Variants in MACROD2 observed in about 807,000 individuals in gnomAD.
MACROD2 encodes the protein ADP-ribose glycohydrolase MACROD2.
MACROD2 carries 36 observed loss-of-function variants against 70.4 expected under a neutral mutation model. That is an observed-to-expected ratio of 0.51 (90% CI 0.39 to 0.68). The LOEUF (loss-of-function observed/expected upper bound fraction) is 0.68, where lower values mean the gene tolerates loss of function less well. Among genes scored for constraint, MACROD2 ranks in the 30% least tolerant of loss-of-function variants. The pLI is 0.00. For synonymous variants in MACROD2, 172 were observed against 178.8 expected (o/e 0.96, Z 0.30); for missense variants, 496 against 538.4 (o/e 0.92, Z 0.78).
chr20:15,219,750 TTA>T, intron 5 of MACROD2, among the ~76,000 whole-genome samples: 1 of 152,246 alleles, frequency 6.6e-6, no homozygotes, highest in South Asian at 2.1e-4. Context: ...GGTGGATTCA[TTA>T]TATCTAAATG....
At chr20:14,585,399 T>C (rs1981308641) in intron 4 of MACROD2, among the ~76,000 whole-genome samples, 1 of 152,132 alleles carries the variant, frequency 6.6e-6, no homozygotes. Flanking sequence ...TAGAATCATA[T>C]GTAAACTATG....
intron 8 of MACROD2, among the ~76,000 whole-genome samples, chr20:15,675,516 A>G (rs946161202): frequency 6.6e-6 from 1 of 151,960 alleles, no homozygotes; most frequent in South Asian, 2.1e-4. Context: ...CTTACGGTAA[A>G]TTTTTCCAAG....
chr20:15,920,816 A>C (rs1415371209), intron 10 of MACROD2, among the ~76,000 whole-genome samples: 1 of 152,216 alleles, frequency 6.6e-6, no homozygotes, highest in African/African-American at 2.4e-5. Context: ...AATATTCATT[A>C]TATCTGTATT....
intron 4 of MACROD2, among the ~76,000 whole-genome samples, chr20:14,594,535 A>G (rs1367912002): frequency 6.6e-6 from 1 of 152,124 alleles, no homozygotes; most frequent in African/African-American, 2.4e-5. Context: ...AATATAACAT[A>G]TTTTTTCATC....
chr20:15,920,879 G>A (rs1317174576), intron 10 of MACROD2, among the ~76,000 whole-genome samples: 1 of 152,126 alleles, frequency 6.6e-6, no homozygotes, highest in African/African-American at 2.4e-5. Flanking sequence ...TGCAGTAGAG[G>A]TCGACACCAT....
chr20:15,926,981 C>A (rs184709321), intron 10 of MACROD2, among the ~76,000 whole-genome samples: 2 of 152,254 alleles, frequency 1.3e-5, no homozygotes, highest in East Asian at 3.9e-4. Flanking sequence ...GAAGCCATTG[C>A]CACCACCCAG....
At chr20:14,699,680 T>C (rs1001602724) in intron 5 of MACROD2, among the ~76,000 whole-genome samples, 7 of 152,178 alleles carry the variant, frequency 4.6e-5, no homozygotes, top group African/African-American at 1.7e-4. Flanking sequence ...TAAGCATATA[T>C]TCCAGTAATA....
chr20:15,632,884 CCCTT>C (rs1303068486), intron 8 of MACROD2, among the ~76,000 whole-genome samples: 1 of 151,166 alleles, frequency 6.6e-6, no homozygotes, highest in Non-Finnish European at 1.5e-5. Flanking sequence ...CTCTCTTCCT[CCCTT>C]CCATCCTTCT....
At chr20:16,017,004 G>T (rs1034091437) in intron 15 of MACROD2, among the ~76,000 whole-genome samples, 2 of 152,122 alleles carry the variant, frequency 1.3e-5, no homozygotes, top group African/African-American at 4.8e-5. Context: ...TCACATCAAT[G>T]ATTGTCATCA....
rs374513988 is a variant in MACROD2, at chr20:15,368,754, C to T, written c.541-62651C>T. On this transcript the variant is annotated intron_variant, in intron 6 of 17. Transcript: ENST00000684519. ...CTGGGATTACAGGCGTGAGCCACCACGCCCGGCCCAATCACAAACTTTTTT... is the reference window on the plus strand; with the variant it reads ...CTGGGATTACAGGCGTGAGCCACCATGCCCGGCCCAATCACAAACTTTTTT... 4.6e-5 allele frequency among the ~76,000 whole-genome samples: 7 copies of T among 152,192 alleles called. No individual in the cohort carries two copies. The East Asian group carries it at 9.6e-4, about 21-fold the overall frequency.
chr20:15,036,416 A>C (rs997576953), intron 5 of MACROD2, among the ~76,000 whole-genome samples: 1 of 152,150 alleles, frequency 6.6e-6, no homozygotes, highest in African/African-American at 2.4e-5. Context: ...CTTGTTAGAC[A>C]AATTATTGGT....
chr20:15,324,453 G>A (rs542477044), intron 6 of MACROD2, among the ~76,000 whole-genome samples: 12 of 152,094 alleles, frequency 7.9e-5, no homozygotes, highest in Non-Finnish European at 1.8e-4. Context: ...ATATATATCA[G>A]CAGCTAACGC....
At chr20:14,850,685 T>C (rs1484820584) in intron 5 of MACROD2, among the ~76,000 whole-genome samples, 1 of 152,126 alleles carries the variant, frequency 6.6e-6, no homozygotes, top group Non-Finnish European at 1.5e-5. Flanking sequence ...ATTCAAAATA[T>C]CGAAGAGCTG....
chr20:15,010,787 G>T (rs1021016989), intron 5 of MACROD2, among the ~76,000 whole-genome samples: 1 of 152,122 alleles, frequency 6.6e-6, no homozygotes, highest in African/African-American at 2.4e-5. Flanking sequence ...GTTTTGAAAT[G>T]AGCGTCAGTG....
intron 8 of MACROD2, among the ~76,000 whole-genome samples, chr20:15,710,194 C>CA (rs67656339): frequency 0.11 from 11,067 of 102,602 alleles, 545 homozygotes; most frequent in East Asian, 0.18. Context: ...ATCAAAAAGA[C>CA]AAAAAAAAAA....
intron 4 of MACROD2, among the ~76,000 whole-genome samples, chr20:14,526,857 G>T (rs953325439): frequency 5.3e-5 from 8 of 152,250 alleles, no homozygotes; most frequent in Non-Finnish European, 1.0e-4. Context: ...GTGTTACAGG[G>T]TGCTTTTTTA....
intron 5 of MACROD2, among the ~76,000 whole-genome samples, chr20:15,015,121 T>C (rs1485785497): frequency 6.6e-6 from 1 of 152,102 alleles, no homozygotes. Flanking sequence ...TATATACTTA[T>C]AACACTATTA....
intron 15 of MACROD2, among the ~76,000 whole-genome samples, chr20:16,035,460 A>G (rs2067222035): frequency 6.6e-6 from 1 of 151,758 alleles, no homozygotes; most frequent in Non-Finnish European, 1.5e-5. Flanking sequence ...GTGTTTCTCA[A>G]AGTTATGTAC....
intron 3 of MACROD2, among the ~76,000 whole-genome samples, chr20:14,142,770 A>G (rs943920749): frequency 5.9e-5 from 9 of 152,098 alleles, no homozygotes; most frequent in African/African-American, 2.2e-4. Flanking sequence ...AAATATTAAT[A>G]TTTTCTATAG....
Sources: gnomAD v4.1 joint callset for allele counts (sites outside exome capture counted in the v4.1 genomes callset) on GRCh38, gnomAD v4.1.1 for gene constraint, MANE v1.5 for transcripts, NCBI Gene and HGNC (gene_info 2026-07-23, HGNC 2026-07-21) for gene names.